Variants in PRKAR1A observed in about 807,000 individuals in gnomAD.
PRKAR1A encodes the protein protein kinase cAMP-dependent type I regulatory subunit alpha.
PRKAR1A carries 3 observed loss-of-function variants against 52.0 expected under a neutral mutation model. The ratio of observed to expected loss-of-function variants is 0.06; its 90% CI spans 0.03 to 0.15. PRKAR1A has a LOEUF of 0.15. Among genes scored for constraint, PRKAR1A ranks in the 10% least tolerant of loss-of-function variants. The pLI is 1.00. For missense variants in PRKAR1A, 240 were observed against 477.4 expected (o/e 0.50, Z 4.63); for synonymous variants, 188 against 168.4 (o/e 1.12, Z -0.90).
chr17:68,489,196 A>ATATATATATGGAAAG, the PRKAR1A span, among the ~76,000 whole-genome samples: 184 of 32,876 alleles, frequency 5.6e-3, 30 homozygotes, highest in East Asian at 0.11. Flanking sequence ...GTATATATAT[A>ATATATATATGGAAAG]TATATATATA....
chr17:68,433,814 G>A, the PRKAR1A span, among the ~76,000 whole-genome samples: 58 of 122,008 alleles, frequency 4.8e-4, no homozygotes, highest in Admixed American at 8.9e-4. Flanking sequence ...AGAGTCTCTC[G>A]CTCTGTTGCC....
chr17:68,467,106 T>C, the PRKAR1A span, among the ~76,000 whole-genome samples: 1 of 152,254 alleles, frequency 6.6e-6, no homozygotes, highest in South Asian at 2.1e-4. Flanking sequence ...CATTTCTTTT[T>C]ATGGCTGAAT....
the PRKAR1A span, chr17:68,420,337 G>A: frequency 1.9e-6 from 3 of 1,613,992 alleles, no homozygotes; most frequent in Admixed American, 3.3e-5. Context: ...AGGTCAGAAA[G>A]GTTCTTGCAG....
At chr17:68,515,043 G>A (rs1350205308) in intron 1 of PRKAR1A, 2 of 317,350 alleles carry the variant, frequency 6.3e-6, no homozygotes, top group East Asian at 7.9e-5. Flanking sequence ...TACTTCCCAC[G>A]TCATCATGAT....
the PRKAR1A span, chr17:68,452,838 C>T: frequency 1.4e-6 from 2 of 1,396,026 alleles, no homozygotes; most frequent in East Asian, 2.3e-5. Context: ...CTTGGTAGCA[C>T]CGCAGATTAA....
chr17:68,515,335 G>A (rs2143146401), intron 1 of PRKAR1A, 59 bp from the exon 2 acceptor site: 1 of 1,588,754 alleles, frequency 6.3e-7, no homozygotes, highest in Non-Finnish European at 8.6e-7. Context: ...CAAGTTAAAT[G>A]CCAGATTGAC....
At chr17:68,434,745 C>T in the PRKAR1A span, 13 of 959,684 alleles carry the variant, frequency 1.4e-5, no homozygotes, top group East Asian at 2.6e-4. Flanking sequence ...GGAAGAACAC[C>T]ACGTTGAGCA....
At chr17:68,427,975 G>T in the PRKAR1A span, among the ~76,000 whole-genome samples, 1 of 151,572 alleles carries the variant, frequency 6.6e-6, no homozygotes, top group Admixed American at 6.6e-5. Flanking sequence ...CTGCAGTCTT[G>T]ACCTTCCTGG....
chr17:68,481,012 G>A, the PRKAR1A span, among the ~76,000 whole-genome samples: 1 of 152,236 alleles, frequency 6.6e-6, no homozygotes, highest in Admixed American at 6.5e-5. Flanking sequence ...ATATAAGCCT[G>A]TAGCTTATCG....
At chr17:68,510,084 G>A (rs1262146592), upstream of PRKAR1A, among the ~76,000 whole-genome samples, 1 of 150,324 alleles carries the variant, frequency 6.7e-6, no homozygotes, top group Non-Finnish European at 1.5e-5. Flanking sequence ...GCAGGAAGAG[G>A]GAGAAATGGG....
At chr17:68,535,250 A>G, downstream of PRKAR1A, 1 of 451,326 alleles carries the variant, frequency 2.2e-6, no homozygotes, top group South Asian at 1.6e-5. Flanking sequence ...TTACTAATCA[A>G]AAAGTAATGG....
At chr17:68,413,993 C>T in the PRKAR1A span, 1 of 155,118 alleles carries the variant, frequency 6.4e-6, no homozygotes, top group Non-Finnish European at 1.4e-5. Flanking sequence ...TGCGCGCACC[C>T]ACTGACCTGC....
chr17:68,441,438 A>G, the PRKAR1A span, among the ~76,000 whole-genome samples: 1 of 152,204 alleles, frequency 6.6e-6, no homozygotes, highest in African/African-American at 2.4e-5. Flanking sequence ...TTCCTTCTGT[A>G]CCCAGCAAGG....
At chr17:68,435,227 A>G in the PRKAR1A span, among the ~76,000 whole-genome samples, 2 of 151,532 alleles carry the variant, frequency 1.3e-5, no homozygotes, top group Admixed American at 6.6e-5. Context: ...AAAAAATTCA[A>G]TTGGATCACT....
At chr17:68,469,562 A>G in the PRKAR1A span, among the ~76,000 whole-genome samples, 1 of 151,858 alleles carries the variant, frequency 6.6e-6, no homozygotes, top group Non-Finnish European at 1.5e-5. Context: ...TTACAGAATC[A>G]GTTGCTTAAA....
chr17:68,531,184 G>C lies in PRKAR1A; in HGVS notation c.*735G>C. 2 of 1,065,704 alleles carry C rather than the reference G, an allele frequency of 1.9e-6. No individual in the cohort carries two copies. Among genetic ancestry groups the C allele is most frequent in the Non-Finnish European group, 2.3e-6 (2 of 879,066 alleles). 66.0% of individuals were successfully genotyped at this position (1,065,704 alleles called of 1,614,324 possible). A position where few individuals can be genotyped will look rare whatever the true frequency, so the allele number is the denominator to read the frequency against. On this transcript the variant is annotated 3_prime_UTR_variant, in exon 11 of 11. Transcript: ENST00000589228. ...ACTAACTCATAGATTGCAAATATTG[G>C]TTAGTATTTAACTACATCTGCCTCG...
At chr17:68,535,207 T>G (rs1190475086), downstream of PRKAR1A, 2 of 447,928 alleles carry the variant, frequency 4.5e-6, no homozygotes, top group Non-Finnish European at 9.0e-6. Flanking sequence ...CGGTTGGTTT[T>G]CTGATATTTT....
At chr17:68,461,580 C>T in the PRKAR1A span, among the ~76,000 whole-genome samples, 1 of 152,124 alleles carries the variant, frequency 6.6e-6, no homozygotes, top group Non-Finnish European at 1.5e-5. The surrounding 1 kb of genome is among the most constrained non-coding windows in gnomAD (Gnocchi z 4.6). Flanking sequence ...TTATAAAGTC[C>T]ATTCTATTTT....
chr17:68,426,186 A>C, the PRKAR1A span: 79 of 1,568,688 alleles, frequency 5.0e-5, no homozygotes, highest in South Asian at 8.6e-4. Context: ...CTGGAAACCA[A>C]GAAAGAGACA....
Sources: allele counts gnomAD v4.1 joint callset (sites outside exome capture counted in the v4.1 genomes callset), GRCh38; gene constraint gnomAD v4.1.1; non-coding constraint Gnocchi (gnomAD v3.1); transcripts MANE v1.5; gene names NCBI Gene and HGNC (gene_info 2026-07-23, HGNC 2026-07-21).